The following PTPN5 variants were observed in gnomAD, a reference collection of about 807,000 sequenced individuals.
The protein encoded by PTPN5 is tyrosine-protein phosphatase non-receptor type 5.
A neutral mutation model predicts 73.9 loss-of-function variants in PTPN5; 29 were observed. The ratio of observed to expected loss-of-function variants is 0.39; its 90% CI spans 0.29 to 0.54. The LOEUF (loss-of-function observed/expected upper bound fraction) is 0.54, where lower values mean the gene tolerates loss of function less well. Ranked by LOEUF, PTPN5 falls within the 20% of genes least tolerant of loss-of-function variation. The pLI is 0.65. For synonymous variants in PTPN5, 267 were observed against 304.7 expected (o/e 0.88, Z 1.29); for missense variants, 652 against 751.4 (o/e 0.87, Z 1.55).
At chr11:18,775,571 A>T (rs534102298) in intron 1 of PTPN5, among the ~76,000 whole-genome samples, 1 of 152,148 alleles carries the variant, frequency 6.6e-6, no homozygotes, top group African/African-American at 2.4e-5. Context: ...GCTAGCTTGC[A>T]TGGGGAGTTT....
At chr11:18,732,544 G>A in intron 12 of PTPN5, 48 bp downstream of exon 12, 5 of 1,417,858 alleles carry the variant, frequency 3.5e-6, no homozygotes, top group Non-Finnish European at 5.0e-6. Context: ...CCCCAGTTAA[G>A]CCCCTACACT....
chr11:18,774,360 G>T (rs569589981), intron 1 of PTPN5, among the ~76,000 whole-genome samples: 26 of 152,326 alleles, frequency 1.7e-4, no homozygotes, highest in Non-Finnish European at 3.1e-4. Flanking sequence ...ACAATGCCAA[G>T]TTGTCTGGGG....
intron 3 of PTPN5, among the ~76,000 whole-genome samples, chr11:18,763,191 A>C (rs1850477375): frequency 4.6e-5 from 7 of 152,174 alleles, no homozygotes; most frequent in Admixed American, 4.6e-4. Flanking sequence ...TTCCCAGAGG[A>C]AGGACACAGA....
upstream of PTPN5, chr11:18,792,396 C>G (rs1438356911): frequency 6.6e-6 from 1 of 152,402 alleles, no homozygotes; most frequent in Non-Finnish European, 1.5e-5. Flanking sequence ...CGTCCTTTTT[C>G]CCAGTTCTCC....
At chr11:18,777,190 A>C (rs1269040877) in intron 1 of PTPN5, among the ~76,000 whole-genome samples, 1 of 152,028 alleles carries the variant, frequency 6.6e-6, no homozygotes, top group Non-Finnish European at 1.5e-5. Flanking sequence ...ACAACACCAT[A>C]AAAGTAGTAA....
At chr11:18,744,257 T>C in intron 3 of PTPN5, 58 bp from the exon 4 acceptor site, 5 of 1,405,792 alleles carry the variant, frequency 3.6e-6, no homozygotes, top group South Asian at 1.7e-5. Flanking sequence ...GGCAGGGCTC[T>C]GCCACCCCTT....
At position 18,744,140 on chromosome 11, in the gene PTPN5, G is replaced by A. The variant is rs752428270; in HGVS notation, c.157C>T (p.Gln53Ter). The A allele has an allele frequency of 6.2e-7, 1 of 1,607,648 alleles. No individual in the cohort carries two copies. The highest frequency in any genetic ancestry group is 1.1e-5 in the South Asian group (1 of 90,024). ...LDEAEGLQDS[Q>*]REMPPPPPPS... The stretch of plus-strand genomic sequence containing the variant: ...GGAGGGGGTGGCGGCATCTCTCTCT[G>A]TGAGTCCTGGAGCCCTTCAGCCTCG... The change falls in exon 4 of 15, where the codon CAG (glutamine) becomes TAG (stop). Residue 53 changes from glutamine to a stop codon, truncating the protein, a stop_gained. Transcript: ENST00000358540. LOFTEE classifies it high-confidence loss of function.
chr11:18,762,033 G>A (rs1405921730), intron 3 of PTPN5, among the ~76,000 whole-genome samples: 2 of 152,226 alleles, frequency 1.3e-5, no homozygotes, highest in Admixed American at 1.3e-4. Flanking sequence ...GCACATGTGG[G>A]GGGTGTCCCA....
chr11:18,746,116 T>C (rs1242102287), intron 3 of PTPN5, among the ~76,000 whole-genome samples: 2 of 146,174 alleles, frequency 1.4e-5, no homozygotes, highest in Non-Finnish European at 3.0e-5. Context: ...TTTTGCCTGA[T>C]AAATGGAGAT....
At position 18,729,891 on chromosome 11, in the gene PTPN5, G is replaced by C; in HGVS notation, c.1330-73C>G. The C allele has an allele frequency of 6.3e-7, 1 of 1,583,882 alleles. No individual in the cohort carries two copies. Among genetic ancestry groups the C allele is most frequent in the Non-Finnish European group, 8.7e-7 (1 of 1,152,990 alleles). ...GCTCACAAACCAGCCCAGAGATAGAGATGAGATGGAAGGAGGAAGAACACA... is the reference window on the plus strand; with the variant it reads ...GCTCACAAACCAGCCCAGAGATAGACATGAGATGGAAGGAGGAAGAACACA... On this transcript the variant is annotated intron_variant, in intron 12 of 14. Transcript: ENST00000358540. The surrounding 1 kb of genome is among the most constrained non-coding windows in gnomAD (Gnocchi z 5.2).
At chr11:18,786,238 T>A (rs1851663051) in intron 1 of PTPN5, among the ~76,000 whole-genome samples, 1 of 152,172 alleles carries the variant, frequency 6.6e-6, no homozygotes, top group Non-Finnish European at 1.5e-5. Context: ...AGTCTCGCTC[T>A]TTCGCCCAGG....
Position 18,740,720 on chromosome 11 carries a change from G to A in PTPN5, c.798C>T (p.Leu266=). The change falls in exon 8 of 15, where the codon CTC becomes CTT. Residue 266 remains leucine, a synonymous_variant. Transcript: ENST00000358540. ...GGGCGGACTCCTCACGTGGGGACATGAGATAGCCAAAGCCCTCCTCGTTGC... is the reference window on the plus strand; with the variant it reads ...GGGCGGACTCCTCACGTGGGGACATAAGATAGCCAAAGCCCTCCTCGTTGC... ...PGCNEEGFGY[L]MSPREESARE... The A allele has an allele frequency of 6.2e-7, 1 of 1,605,724 alleles. No individual in the cohort carries two copies. The highest frequency in any genetic ancestry group is 8.5e-7 in the Non-Finnish European group (1 of 1,175,494).
At chr11:18,751,800 G>A (rs2134253507) in intron 3 of PTPN5, among the ~76,000 whole-genome samples, 1 of 152,350 alleles carries the variant, frequency 6.6e-6, no homozygotes, top group Middle Eastern at 3.4e-3. Context: ...AACTCCTGTG[G>A]TGGTCTTAAA....
intron 1 of PTPN5, among the ~76,000 whole-genome samples, chr11:18,774,920 C>G (rs933626572): frequency 7.2e-5 from 11 of 152,324 alleles, no homozygotes; most frequent in Admixed American, 6.5e-4. Flanking sequence ...CAGAAGCAAT[C>G]TTCGGACCAC....
intron 3 of PTPN5, among the ~76,000 whole-genome samples, chr11:18,758,622 CA>C (rs1375946625): frequency 6.6e-6 from 1 of 151,566 alleles, no homozygotes; most frequent in Admixed American, 6.6e-5. Flanking sequence ...AACAGACAAC[CA>C]AAACAGATGC....
rs576683838 is a variant in PTPN5, at chr11:18,786,347, C to T, written c.-114+5178G>A. On this transcript the variant is annotated intron_variant, in intron 1 of 14. Coordinates refer to ENST00000358540, the MANE Select transcript of PTPN5 (RefSeq NM_006906.2). Reference sequence around the variant, plus strand: ...CCTCCTGAGTAGCTGGGACTACAGGCGCCTGCCACGGCGCCTGGCTAATTT... The same window carrying T: ...CCTCCTGAGTAGCTGGGACTACAGGTGCCTGCCACGGCGCCTGGCTAATTT... Among the ~76,000 whole-genome samples, 15 of 152,180 alleles carry T rather than the reference C, an allele frequency of 9.9e-5. No homozygotes were observed. The South Asian group carries it at 1.0e-3, about 11-fold the overall frequency.
At position 18,778,350 on chromosome 11, in the gene PTPN5, T is replaced by C. The variant is rs76679469; in HGVS notation, c.-113-6279A>G. Among the ~76,000 whole-genome samples, 70 of 152,322 alleles carry C rather than the reference T, an allele frequency of 4.6e-4. 1 individual carries two copies. The East Asian group carries it at 9.5e-3, about 21-fold the overall frequency. ...TGGACACTGACCCAACCCCAGCAACTGGCCTTCTGCTCTGATGGGCAGAGT... is the reference window on the plus strand; with the variant it reads ...TGGACACTGACCCAACCCCAGCAACCGGCCTTCTGCTCTGATGGGCAGAGT... On this transcript the variant is annotated intron_variant, in intron 1 of 14. Coordinates refer to ENST00000358540, the MANE Select transcript of PTPN5 (RefSeq NM_006906.2).
intron 3 of PTPN5, among the ~76,000 whole-genome samples, chr11:18,758,017 T>C (rs1161764846): frequency 2.0e-5 from 3 of 152,090 alleles, no homozygotes; most frequent in Non-Finnish European, 2.9e-5. Context: ...AAAGGGTCAG[T>C]AGCTCAAATA....
chr11:18,770,948 G>T (rs1850863159), intron 2 of PTPN5, among the ~76,000 whole-genome samples: 1 of 152,124 alleles, frequency 6.6e-6, no homozygotes, highest in African/African-American at 2.4e-5. Flanking sequence ...AGTGGGGGAT[G>T]GGGGGTGCTA....
Sources: allele counts gnomAD v4.1 joint callset (sites outside exome capture counted in the v4.1 genomes callset), GRCh38; gene constraint gnomAD v4.1.1; non-coding constraint Gnocchi (gnomAD v3.1); transcripts MANE v1.5; gene names NCBI Gene and HGNC (gene_info 2026-07-23, HGNC 2026-07-21).